The following TNN variants were observed in gnomAD, a reference collection of about 807,000 sequenced individuals.
TNN encodes the protein tenascin-N.
A neutral mutation model predicts 134.4 loss-of-function variants in TNN; 122 were observed. The observed-to-expected ratio is 0.91, with a 90% CI of 0.78 to 1.06. The LOEUF (loss-of-function observed/expected upper bound fraction) is 1.06. Ranked by LOEUF, TNN falls within the 50% of genes least tolerant of loss-of-function variation. TNN has a pLI of 0.00. For missense variants in TNN, 1,739 were observed against 1,699.4 expected, an observed-to-expected ratio of 1.02 and a Z score of -0.41; for synonymous variants, 710 against 670.3, an observed-to-expected ratio of 1.06 and a Z score of -0.91.
chr1:175,139,111 G>T (rs944949301), intron 17 of TNN, among the ~76,000 whole-genome samples: 12 of 152,198 alleles, frequency 7.9e-5, no homozygotes, highest in Admixed American at 7.9e-4. Flanking sequence ...GAAGGCCCAG[G>T]ACAGGACTGT....
chr1:175,139,315 T>C (rs1032684957), intron 17 of TNN, among the ~76,000 whole-genome samples: 9 of 152,252 alleles, frequency 5.9e-5, no homozygotes, highest in Non-Finnish European at 8.8e-5. Context: ...TGTGCAGCTG[T>C]ACAAACATAT....
intron 9 of TNN, among the ~76,000 whole-genome samples, chr1:175,111,668 T>C (rs1675029686): frequency 6.6e-6 from 1 of 152,160 alleles, no homozygotes; most frequent in African/African-American, 2.4e-5. Flanking sequence ...TTCAATTTCT[T>C]TCATCAGTGT....
intron 4 of TNN, among the ~76,000 whole-genome samples, chr1:175,083,088 G>A (rs1457100801): frequency 6.6e-6 from 1 of 152,016 alleles, no homozygotes; most frequent in African/African-American, 2.4e-5. Context: ...GACAGATTGG[G>A]CAGCATGAGA....
chr1:175,074,570 T>C (rs190654728), intron 1 of TNN, among the ~76,000 whole-genome samples: 14 of 151,996 alleles, frequency 9.2e-5, no homozygotes, highest in Admixed American at 6.5e-5. Context: ...AGTGTCCCAT[T>C]GACTATTCCA....
chr1:175,090,536 C>T (rs753624501), intron 6 of TNN, among the ~76,000 whole-genome samples: 15 of 152,164 alleles, frequency 9.9e-5, no homozygotes, highest in Non-Finnish European at 2.1e-4. Context: ...GGGAGATTCA[C>T]AGGTGGAAAT....
Position 175,116,972 on chromosome 1 carries a change from G to C in TNN, c.2153G>C (p.Arg718Pro), listed in dbSNP as rs373267722. 3.1e-6 allele frequency: 5 copies of C among 1,614,150 alleles called. No individual in the cohort carries two copies. The highest frequency in any genetic ancestry group is 1.6e-4 in the Middle Eastern group (1 of 6,062). ...IDSPQNLVTD[R>P]VTENMATVSW... is the part of the protein sequence containing the mutation. ...AGCCCCCAAAACCTGGTGACCGACC[G>C]GGTGACAGAGAATATGGCCACTGTC... Residue 718 changes from arginine to proline, a missense_variant, in exon 10 of 19, where the codon CGG becomes CCG. Physicochemically the swap from Arg to Pro is moderately radical, Grantham distance 103 (BLOSUM62 -2). Transcript: ENST00000239462.
intron 17 of TNN, 145 bp downstream of exon 17, chr1:175,137,133 G>A: frequency 1.1e-6 from 1 of 872,062 alleles, no homozygotes; most frequent in Non-Finnish European, 1.7e-6. Context: ...CCTACTCTCT[G>A]CAGGGGGTCA....
At chr1:175,087,037 A>AGCTG (rs1674336398) in intron 6 of TNN, among the ~76,000 whole-genome samples, 2 of 152,246 alleles carry the variant, frequency 1.3e-5, no homozygotes, top group Non-Finnish European at 2.9e-5. Flanking sequence ...CAGCCAGGAA[A>AGCTG]GGACAGAGCT....
At chr1:175,087,681 G>A (rs1490840202) in intron 6 of TNN, among the ~76,000 whole-genome samples, 1 of 152,184 alleles carries the variant, frequency 6.6e-6, no homozygotes, top group African/African-American at 2.4e-5. Context: ...CAAACTGGAT[G>A]TTCTATAATT....
chr1:175,085,550 T>C, intron 6 of TNN, 56 bp downstream of exon 6: 4 of 1,238,010 alleles, frequency 3.2e-6, no homozygotes, highest in Non-Finnish European at 4.7e-6. Flanking sequence ...TTCTCATATT[T>C]TTCTTGGCTG....
chr1:175,121,515 T>A (rs901175415), intron 11 of TNN, among the ~76,000 whole-genome samples: 1 of 152,174 alleles, frequency 6.6e-6, no homozygotes, highest in Non-Finnish European at 1.5e-5. Context: ...GATGCAGTGT[T>A]CATTTAAAAA....
At chr1:175,101,276 C>G (rs553028992) in intron 9 of TNN, among the ~76,000 whole-genome samples, 3 of 151,902 alleles carry the variant, frequency 2.0e-5, no homozygotes, top group Non-Finnish European at 4.4e-5. Context: ...CAGACCTTCG[C>G]GGTGAGTGTT....
rs1431390679 is a variant in TNN at position 175,123,787 on chromosome 1, G to A, written c.2914+124G>A. The A allele has an allele frequency of 1.1e-5, 16 of 1,437,126 alleles. 1 individual carries two copies. Among genetic ancestry groups the A allele is most frequent in the Non-Finnish European group, 1.4e-5 (15 of 1,061,112 alleles). The allele number at this position is 1,437,126 out of a possible 1,614,324, so 89.0% of individuals were successfully genotyped here. On this transcript the variant is annotated intron_variant, in intron 12 of 18. Transcript: ENST00000239462. ...TTACCCGAGGACATTCTTCAAAGTG[G>A]TTCCTTTTTTACGTCTTTGAGCTAA...
chr1:175,109,072 AT>A (rs1160268455), intron 9 of TNN, among the ~76,000 whole-genome samples: 435 of 61,960 alleles, frequency 7.0e-3, no homozygotes, highest in East Asian at 0.012. Flanking sequence ...ATCTAACTGT[AT>A]TTTTTTTTTT....
intron 1 of TNN, among the ~76,000 whole-genome samples, chr1:175,075,801 A>C (rs545438929): frequency 1.3e-4 from 20 of 152,286 alleles, no homozygotes; most frequent in Non-Finnish European, 1.2e-4. Context: ...GATGAGGAGC[A>C]TTTTTAGGGA....
chr1:175,083,450 A>T (rs931781125), intron 4 of TNN, among the ~76,000 whole-genome samples: 3 of 152,162 alleles, frequency 2.0e-5, no homozygotes, highest in Non-Finnish European at 4.4e-5. Flanking sequence ...GGCCAACCTG[A>T]GAGGTACAGT....
At chr1:175,069,846 C>T (rs1216018926) in intron 1 of TNN, among the ~76,000 whole-genome samples, 4 of 152,234 alleles carry the variant, frequency 2.6e-5, no homozygotes, top group African/African-American at 9.6e-5. Flanking sequence ...TGGAAATTAG[C>T]AAACGCTCTC....
chr1:175,093,511 A>G (rs1344735991), intron 6 of TNN, among the ~76,000 whole-genome samples: 1 of 152,168 alleles, frequency 6.6e-6, no homozygotes, highest in Admixed American at 6.5e-5. Context: ...GGAGATTTGT[A>G]TTTGAAAAGA....
chr1:175,119,400 C>T (rs1308003171), intron 11 of TNN, among the ~76,000 whole-genome samples: 1 of 152,138 alleles, frequency 6.6e-6, no homozygotes, highest in Non-Finnish European at 1.5e-5. Context: ...TGGGTCTTGG[C>T]CGGCTTCTTT....
Sources: gnomAD v4.1 joint callset for allele counts (sites outside exome capture counted in the v4.1 genomes callset) on GRCh38, gnomAD v4.1.1 for gene constraint, MANE v1.5 for transcripts, NCBI Gene and HGNC (gene_info 2026-07-23, HGNC 2026-07-21) for gene names.